SYN3: variants seen among roughly 807,000 people sequenced by gnomAD.
The protein encoded by SYN3 is synapsin III.
SYN3 carries 35 observed loss-of-function variants against 65.8 expected under a neutral mutation model. The observed-to-expected ratio is 0.53, with a 90% CI of 0.41 to 0.70. The LOEUF is 0.70. Among genes scored for constraint, SYN3 ranks in the 30% least tolerant of loss-of-function variants. The pLI, the probability that SYN3 is intolerant of heterozygous loss-of-function variation, is 0.00. For missense variants in SYN3, 680 were observed against 749.0 expected (o/e 0.91, Z 1.08); for synonymous variants, 270 against 292.9 (o/e 0.92, Z 0.80).
At position 32,715,649 on chromosome 22, in the gene SYN3, G is replaced by A. The variant is rs113463866; in HGVS notation, c.712-118913C>T. 3.5e-3 allele frequency among the ~76,000 whole-genome samples: 531 copies of A among 152,028 alleles called. 3 individuals are homozygous for A. Among genetic ancestry groups the A allele is most frequent in the African/African-American group, 0.012 (503 of 41,458 alleles). On this transcript the variant is annotated intron_variant, in intron 6 of 13. Transcript: ENST00000358763. ...CAAAATATTAGCCAAGCATGGTGGC[G>A]GGCGCCTGTAATCCCAGTTACTCGG...
At chr22:32,749,302 C>CT (rs2045038223) in intron 6 of SYN3, among the ~76,000 whole-genome samples, 1 of 105,416 alleles carries the variant, frequency 9.5e-6, no homozygotes, top group Non-Finnish European at 1.8e-5. Flanking sequence ...CAAAGCCCCC[C>CT]CCCCACCCCA....
chr22:32,795,338 TG>T (rs1374419724), intron 6 of SYN3, among the ~76,000 whole-genome samples: 2 of 152,072 alleles, frequency 1.3e-5, no homozygotes, highest in Non-Finnish European at 2.9e-5. Flanking sequence ...AAGGTAGAAA[TG>T]GTAAGAATGA....
chr22:32,884,738 G>A (rs1021688457), intron 4 of SYN3, among the ~76,000 whole-genome samples: 4 of 152,136 alleles, frequency 2.6e-5, no homozygotes, highest in African/African-American at 9.7e-5. Context: ...TTAGCTGGGT[G>A]TGGTGGCACG....
At chr22:32,793,472 C>A (rs2046364741) in intron 6 of SYN3, among the ~76,000 whole-genome samples, 1 of 152,234 alleles carries the variant, frequency 6.6e-6, no homozygotes, top group Non-Finnish European at 1.5e-5. Flanking sequence ...GCACACTTGA[C>A]TATCCCACTG....
At chr22:32,694,843 C>T (rs538129907) in intron 6 of SYN3, among the ~76,000 whole-genome samples, 1 of 152,228 alleles carries the variant, frequency 6.6e-6, no homozygotes, top group Non-Finnish European at 1.5e-5. Flanking sequence ...GCTATTTTCT[C>T]TGAGTCTGTG....
chr22:32,756,564 T>A (rs112491458), intron 6 of SYN3, among the ~76,000 whole-genome samples: 1 of 152,194 alleles, frequency 6.6e-6, no homozygotes. Context: ...GTAATCCCAG[T>A]GTTAGAGGTG....
At chr22:32,938,974 C>T (rs979195577) in intron 3 of SYN3, among the ~76,000 whole-genome samples, 1 of 142,508 alleles carries the variant, frequency 7.0e-6, no homozygotes, top group African/African-American at 2.6e-5. Flanking sequence ...CTTTTCCAGA[C>T]AAAGAAAAAT....
intron 8 of SYN3, among the ~76,000 whole-genome samples, chr22:32,539,088 T>C (rs2058211738): frequency 2.6e-5 from 4 of 152,238 alleles, no homozygotes; most frequent in African/African-American, 4.8e-5. Flanking sequence ...GGTAAAGCTA[T>C]TTGTCTTACG....
chr22:32,564,847 A>C lies in SYN3; in HGVS notation c.775-23134T>G, dbSNP rs1343839609. On this transcript the variant is annotated intron_variant, in intron 7 of 13. Coordinates refer to ENST00000358763, the MANE Select transcript of SYN3 (RefSeq NM_003490.4). ...AAACAGTGCTCCCGGACTACACCCA[A>C]ACAGTGCTCCCGGACTGCACCCTAA... Among the ~76,000 whole-genome samples the C allele has an allele frequency of 2.7e-5, 4 of 149,404 alleles. No homozygotes were observed. In the East Asian group the frequency reaches 8.0e-4, roughly 30 times the overall value.
intron 4 of SYN3, among the ~76,000 whole-genome samples, chr22:32,911,837 A>C (rs752991716): frequency 1.3e-5 from 2 of 152,120 alleles, no homozygotes; most frequent in African/African-American, 2.4e-5. Flanking sequence ...AGAAAGCCCC[A>C]ATGCTCTGTC....
At chr22:32,711,251 G>A (rs1490240907) in intron 6 of SYN3, among the ~76,000 whole-genome samples, 10 of 152,178 alleles carry the variant, frequency 6.6e-5, no homozygotes, top group South Asian at 2.1e-4. Context: ...TCAACTGATC[G>A]AACCAGGAGT....
chr22:32,918,480 A>G (rs1479812492), intron 4 of SYN3, among the ~76,000 whole-genome samples: 1 of 152,252 alleles, frequency 6.6e-6, no homozygotes, highest in African/African-American at 2.4e-5. Context: ...TCTAGAAAAG[A>G]AACAACAAAA....
chr22:32,624,671 C>T (rs931844434), intron 6 of SYN3, among the ~76,000 whole-genome samples: 5 of 152,172 alleles, frequency 3.3e-5, no homozygotes, highest in Non-Finnish European at 5.9e-5. Context: ...GGCCTTTGGT[C>T]GCTGGGCACC....
chr22:32,613,399 C>A (rs1347036830), intron 6 of SYN3, among the ~76,000 whole-genome samples: 5 of 152,090 alleles, frequency 3.3e-5, no homozygotes, highest in African/African-American at 1.2e-4. Flanking sequence ...GCCATTGCCT[C>A]CTCCCTTCTG....
intron 4 of SYN3, among the ~76,000 whole-genome samples, chr22:32,913,241 A>C (rs2050099850): frequency 6.6e-6 from 1 of 151,956 alleles, no homozygotes; most frequent in African/African-American, 2.4e-5. Context: ...GCTCACTGCA[A>C]GCTCCAGCTC....
At chr22:32,802,885 T>C (rs963614936) in intron 6 of SYN3, among the ~76,000 whole-genome samples, 6 of 152,024 alleles carry the variant, frequency 3.9e-5, no homozygotes, top group Admixed American at 6.6e-5. Flanking sequence ...GGAAAACAGA[T>C]TTGTCACCAA....
chr22:32,991,866 T>A (rs1318436166), intron 2 of SYN3, among the ~76,000 whole-genome samples: 1 of 152,198 alleles, frequency 6.6e-6, no homozygotes, highest in Non-Finnish European at 1.5e-5. Context: ...ACAGATGGCC[T>A]CTCTCCTGTC....
At chr22:32,760,541 CCA>C (rs2045449876) in intron 6 of SYN3, among the ~76,000 whole-genome samples, 1 of 152,088 alleles carries the variant, frequency 6.6e-6, no homozygotes, top group African/African-American at 2.4e-5. Flanking sequence ...TTCCCTTCCA[CCA>C]CAGTCAGGGG....
chr22:32,669,642 G>T (rs2147056113), intron 6 of SYN3, among the ~76,000 whole-genome samples: 1 of 152,320 alleles, frequency 6.6e-6, no homozygotes, highest in East Asian at 1.9e-4. Flanking sequence ...ATTCTCCCTT[G>T]TTCCAAGGTT....
Sources: allele counts gnomAD v4.1 joint callset (sites outside exome capture counted in the v4.1 genomes callset), GRCh38; gene constraint gnomAD v4.1.1; transcripts MANE v1.5; gene names NCBI Gene and HGNC (gene_info 2026-07-23, HGNC 2026-07-21).